The following ZNF695 variants were observed in gnomAD, a reference collection of about 807,000 sequenced individuals.
ZNF695 encodes zinc finger protein SBZF3.
Under a neutral mutation model 11.2 loss-of-function variants are expected in ZNF695, and 11 were observed. The observed-to-expected ratio is 0.98, with a 90% CI of 0.62 to 1.62. The LOEUF is 1.62. Among genes scored for constraint, ZNF695 ranks in the 40% most tolerant of loss-of-function variants. The pLI, the probability that ZNF695 is intolerant of heterozygous loss-of-function variation, is 0.00. For synonymous variants in ZNF695, 190 were observed against 201.4 expected (o/e 0.94, Z 0.48); for missense variants, 559 against 590.5 (o/e 0.95, Z 0.55).
Position 247,000,007 on chromosome 1 carries a change from G to A in ZNF695, c.71C>T (p.Ala24Val), listed in dbSNP as rs369610065. 105 of 1,613,996 alleles carry A rather than the reference G, an allele frequency of 6.5e-5. No individual in the cohort carries two copies. Among genetic ancestry groups the A allele is most frequent in the Non-Finnish European group, 8.7e-5 (103 of 1,180,020 alleles). The change falls in exon 2 of 4, where the codon GCT becomes GTT. Residue 24 changes from alanine to valine, a missense_variant. Transcript: ENST00000339986. ...SPEEWECLDP[A>V]QRSLYRDVML... ...CACATCCCTATACAAACTCCGCTGAGCTGGGTCCAGGCATTCCCACTCCTC... is the reference window on the plus strand; with the variant it reads ...CACATCCCTATACAAACTCCGCTGAACTGGGTCCAGGCATTCCCACTCCTC...
chr1:246,947,693 G>C (rs1306489411), intron 5 of ZNF695, among the ~76,000 whole-genome samples: 1 of 152,022 alleles, frequency 6.6e-6, no homozygotes, highest in Non-Finnish European at 1.5e-5. Context: ...TTAATCCCAC[G>C]GATGGATAAT....
At chr1:246,976,650 C>T (rs575930695) in intron 4 of ZNF695, among the ~76,000 whole-genome samples, 23 of 151,586 alleles carry the variant, frequency 1.5e-4, no homozygotes, top group South Asian at 1.5e-3. Context: ...AAAAATTAGC[C>T]AGGCATGGTG....
At chr1:246,982,098 C>T (rs537011700), downstream of ZNF695, among the ~76,000 whole-genome samples, 13 of 151,950 alleles carry the variant, frequency 8.6e-5, no homozygotes, top group East Asian at 1.4e-3. Flanking sequence ...TGGAGAAACC[C>T]GGACTCTACT....
At chr1:246,963,996 C>T (rs1668227558) in intron 5 of ZNF695, among the ~76,000 whole-genome samples, 1 of 152,120 alleles carries the variant, frequency 6.6e-6, no homozygotes, top group South Asian at 2.1e-4. Context: ...ACTCAGAAAA[C>T]CACTTTATTT....
intron 3 of ZNF695, among the ~76,000 whole-genome samples, chr1:246,993,673 T>C (rs1669109633): frequency 6.6e-6 from 1 of 151,980 alleles, no homozygotes; most frequent in Admixed American, 6.6e-5. Context: ...CCTAAAGAAA[T>C]GGAGATATAT....
At chr1:246,957,916 C>T (rs1668041430) in intron 5 of ZNF695, among the ~76,000 whole-genome samples, 1 of 152,098 alleles carries the variant, frequency 6.6e-6, no homozygotes, top group African/African-American at 2.4e-5. Context: ...AAGATGGTTG[C>T]ACCTGTATAT....
rs1668902476 is a variant in ZNF695 at position 246,987,876 on chromosome 1, T to C, written c.639A>G (p.Gln213=). The C allele has an allele frequency of 6.2e-7, 1 of 1,608,250 alleles. No individual in the cohort carries two copies. The highest frequency in any genetic ancestry group is 8.5e-7 in the Non-Finnish European group (1 of 1,178,438). Residue 213 remains glutamine, a synonymous_variant, in exon 4 of 4, where the codon CAA becomes CAG. Coordinates refer to ENST00000339986, the MANE Select transcript of ZNF695 (RefSeq NM_020394.5). ...TAAAGGCTTTGCCACATTTTTTACATTGGTACGGGTTCTCTCCAATATGGA... is the reference window on the plus strand; with the variant it reads ...TAAAGGCTTTGCCACATTTTTTACACTGGTACGGGTTCTCTCCAATATGGA... ...QRIHIGENPY[Q]CKKCGKAFNE... is the part of the protein sequence containing the mutation.
Position 246,985,594 on chromosome 1 carries a change from A to G in ZNF695, c.*1373T>C. On this transcript the variant is annotated 3_prime_UTR_variant, in exon 4 of 4. Coordinates refer to ENST00000339986, the MANE Select transcript of ZNF695 (RefSeq NM_020394.5). ...CGCATCACTTAATGTACAACGGTCC[A>G]AAGACATTAAAACAATGTCTTATTA... is the stretch of plus-strand genomic sequence containing the variant. 17 of 949,748 alleles carry G rather than the reference A, an allele frequency of 1.8e-5. No homozygotes were observed. Among genetic ancestry groups the G allele is most frequent in the Non-Finnish European group, 2.1e-5 (17 of 812,878 alleles). 58.8% of individuals were successfully genotyped at this position (949,748 alleles called of 1,614,324 possible). A position where few individuals can be genotyped will look rare whatever the true frequency, so the allele number is the denominator to read the frequency against.
chr1:246,966,284 T>C (rs147232133), intron 5 of ZNF695, among the ~76,000 whole-genome samples: 117 of 152,048 alleles, frequency 7.7e-4, no homozygotes, highest in African/African-American at 2.7e-3. Context: ...AGGTCAGGAG[T>C]TTGAGACCAA....
At position 246,955,769 on chromosome 1, in the gene ZNF695, T is replaced by C. The variant is rs180676447; in HGVS notation, c.489-9942A>G. Among the ~76,000 whole-genome samples, 9 of 152,296 alleles carry C rather than the reference T, an allele frequency of 5.9e-5. No homozygotes were observed. The East Asian group carries it at 1.5e-3, about 26-fold the overall frequency. ...ACCATCTCTCTAGAATGTAGGCTCC[T>C]AAGAGTACTACTGTCTTCTGGACAA... On this transcript the variant is annotated intron_variant, in intron 5 of 5. Transcript: ENST00000487338.
At chr1:246,976,925 C>A (rs1344860173) in intron 4 of ZNF695, among the ~76,000 whole-genome samples, 2 of 152,158 alleles carry the variant, frequency 1.3e-5, no homozygotes, top group East Asian at 3.8e-4. Context: ...GAATGAGAAG[C>A]AGCTACTTTT....
Position 246,985,743 on chromosome 1 carries a change from T to G in ZNF695, c.*1224A>C. The G allele has an allele frequency of 1.0e-6, 1 of 985,392 alleles. No homozygotes were observed. The highest frequency in any genetic ancestry group is 4.7e-5 in the South Asian group (1 of 21,284). The allele number at this position is 985,392 out of a possible 1,614,324, so 61.0% of individuals were successfully genotyped here. A position where few individuals can be genotyped will look rare whatever the true frequency, so the allele number is the denominator to read the frequency against. On this transcript the variant is annotated 3_prime_UTR_variant, in exon 4 of 4. Coordinates refer to ENST00000339986, the MANE Select transcript of ZNF695 (RefSeq NM_020394.5). Reference sequence around the variant, plus strand: ...TCAAATGTTTCTTTCTTAAATATAATGCAGAATAGTACTCTGAAGACCTAT... The same window carrying G: ...TCAAATGTTTCTTTCTTAAATATAAGGCAGAATAGTACTCTGAAGACCTAT...
intron 4 of ZNF695, among the ~76,000 whole-genome samples, chr1:246,976,235 A>G (rs1668555121): frequency 6.6e-6 from 1 of 152,190 alleles, no homozygotes; most frequent in Non-Finnish European, 1.5e-5. Flanking sequence ...GATGTGGCAC[A>G]CTGTCCACAT....
chr1:247,000,800 G>C (rs1344674825), intron 1 of ZNF695, among the ~76,000 whole-genome samples: 1 of 152,260 alleles, frequency 6.6e-6, no homozygotes, highest in African/African-American at 2.4e-5. Context: ...GCACGGGCCG[G>C]GTGCAGTGAC....
At chr1:247,002,029 T>C (rs535508964) in intron 1 of ZNF695, among the ~76,000 whole-genome samples, 188 of 152,116 alleles carry the variant, frequency 1.2e-3, no homozygotes, top group Non-Finnish European at 1.8e-3. Context: ...AACAACACAA[T>C]GCCCATTCTT....
chr1:246,952,231 G>A (rs901786039), intron 5 of ZNF695, among the ~76,000 whole-genome samples: 6 of 152,192 alleles, frequency 3.9e-5, no homozygotes, highest in Non-Finnish European at 8.8e-5. Flanking sequence ...TTATAGGCGT[G>A]AGCCACTGTG....
chr1:246,998,868 T>C (rs1477776962), intron 3 of ZNF695, among the ~76,000 whole-genome samples: 1 of 152,032 alleles, frequency 6.6e-6, no homozygotes, highest in Non-Finnish European at 1.5e-5. Flanking sequence ...CTCGGGAGAC[T>C]GAGGCAGGGG....
At chr1:246,981,621 G>C (rs924264635), downstream of ZNF695, among the ~76,000 whole-genome samples, 1 of 152,184 alleles carries the variant, frequency 6.6e-6, no homozygotes, top group Non-Finnish European at 1.5e-5. Flanking sequence ...TCAGGGCCTA[G>C]CACAGAACAT....
chr1:246,999,262 G>A (rs1351276736), intron 3 of ZNF695, 86 bp downstream of exon 3: 15 of 1,099,868 alleles, frequency 1.4e-5, no homozygotes, highest in South Asian at 2.6e-5. Context: ...CCTGGGAGTA[G>A]AGCTTCCCAA....
Sources: gnomAD v4.1 joint callset for allele counts (sites outside exome capture counted in the v4.1 genomes callset) on GRCh38, gnomAD v4.1.1 for gene constraint, MANE v1.5 for transcripts, NCBI Gene and HGNC (gene_info 2026-07-23, HGNC 2026-07-21) for gene names.